The following PLXNA1 variants were observed in gnomAD, a reference collection of about 807,000 sequenced individuals.
PLXNA1 encodes the protein plexin-A1.
A neutral mutation model predicts 191.7 loss-of-function variants in PLXNA1; 77 were observed. The observed-to-expected ratio is 0.40, with a 90% confidence interval of 0.33 to 0.49. The LOEUF is 0.49. PLXNA1 is among the 20% of genes least tolerant of loss of function. PLXNA1 has a pLI of 0.63. For missense variants in PLXNA1, 2,110 were observed against 2,660.2 expected, an observed-to-expected ratio of 0.79 and a Z score of 4.55; for synonymous variants, 1,137 against 1,156.4, an observed-to-expected ratio of 0.98 and a Z score of 0.34.
intron 29 of PLXNA1, among the ~76,000 whole-genome samples, chr3:127,031,403 C>T (rs76396992): frequency 0.013 from 1,976 of 152,308 alleles, 37 homozygotes; most frequent in African/African-American, 0.045. Flanking sequence ...TCCCCCACAC[C>T]TGGGGTCAGG....
Position 127,004,953 on chromosome 3 carries a change from GTGTGCAGCTGAC to G in PLXNA1, c.1697_1708del (p.Leu566_Gln569del). On this transcript the variant is annotated inframe_deletion, in exon 6 of 32. Coordinates refer to ENST00000393409, the MANE Select transcript of PLXNA1 (RefSeq NM_032242.4). Reference sequence around the variant, plus strand: ...CGCTTTGCTGCGGACCTGCTGCAGTGTGTGCAGCTGACTGTGCAGCCCCGCAATGTGTCTGTC... The same window carrying G: ...CGCTTTGCTGCGGACCTGCTGCAGTGTGTGCAGCCCCGCAATGTGTCTGTC... The G allele has an allele frequency of 1.2e-6, 2 of 1,610,340 alleles. No homozygotes were observed. The highest frequency in any genetic ancestry group is 1.7e-6 in the Non-Finnish European group (2 of 1,178,016).
rs749086573 is a variant in PLXNA1, at chr3:127,022,765, G to T, written c.4309G>T (p.Ala1437Ser). The T allele has an allele frequency of 9.3e-6, 15 of 1,613,914 alleles. No individual in the cohort carries two copies. Among genetic ancestry groups the T allele is most frequent in the Admixed American group, 1.7e-5 (1 of 60,006 alleles). Residue 1437 changes from alanine to serine, a missense_variant, in exon 23 of 32, where the codon GCA (alanine) becomes TCA (serine). By Grantham distance (99) the Ala-to-Ser change is moderately conservative. Coordinates refer to ENST00000393409, the MANE Select transcript of PLXNA1 (RefSeq NM_032242.4). ...TGTGCTCCCCAGGACTGAGTCGGTG[G>T]CAGAGAAGATGCTAACTAACTGGTT... is the stretch of plus-strand genomic sequence containing the variant. ...KLLLRRTESVAEKMLTNWFTF... is the reference protein window; with the variant it reads ...KLLLRRTESVSEKMLTNWFTF...
chr3:127,029,554 G>T lies in PLXNA1; in HGVS notation c.4870+18G>T. 2 of 1,609,798 alleles carry T rather than the reference G, an allele frequency of 1.2e-6. No individual in the cohort carries two copies. Among genetic ancestry groups the T allele is most frequent in the Non-Finnish European group, 1.7e-6 (2 of 1,176,560 alleles). On this transcript the variant is annotated intron_variant, in intron 27 of 31. Transcript: ENST00000393409. ...CAGATACGGTGAGGGGCCAGGCAGC[G>T]GGCGAGAGGGCAGCGCATGGGTCCC... is the stretch of plus-strand genomic sequence containing the variant.
Position 126,989,303 on chromosome 3 carries a change from C to G in PLXNA1, c.710C>G (p.Ser237Cys), listed in dbSNP as rs1559952796. ...SQLKIPSDTL[S>C]KFPAFDIYYV... is the part of the protein sequence containing the mutation. ...CTCAAGATCCCTTCGGACACGCTGT[C>G]CAAGTTCCCGGCCTTTGACATCTAC... The change falls in exon 2 of 32, where the codon TCC becomes TGC. Residue 237 changes from serine (S) to cysteine (C), a missense_variant. By Grantham distance (112) the Ser-to-Cys change is moderately radical. Transcript: ENST00000393409. 6.2e-7 allele frequency: 1 copy of G among 1,613,704 alleles called. No homozygotes were observed. Among genetic ancestry groups the G allele is most frequent in the South Asian group, 1.1e-5 (1 of 91,090 alleles).
At chr3:126,999,088 G>A (rs930566316) in intron 3 of PLXNA1, among the ~76,000 whole-genome samples, 2 of 152,196 alleles carry the variant, frequency 1.3e-5, no homozygotes, top group African/African-American at 4.8e-5. Context: ...GAGGGTCTGG[G>A]AGTGGGTCCG....
intron 26 of PLXNA1, among the ~76,000 whole-genome samples, 158 bp from the exon 27 acceptor site, chr3:127,029,282 A>G (rs1478559041): frequency 6.6e-6 from 1 of 152,188 alleles, no homozygotes; most frequent in Non-Finnish European, 1.5e-5. Flanking sequence ...ATTGCCTAGC[A>G]TCCCTGGGCT....
intron 3 of PLXNA1, 80 bp downstream of exon 3, chr3:126,991,646 A>T: frequency 7.2e-7 from 1 of 1,394,998 alleles, no homozygotes; most frequent in South Asian, 1.4e-5. Context: ...TGGCAGGCCC[A>T]GTGCTGCTGT....
In PLXNA1 at chr3:126,988,655, T is replaced by C; in HGVS notation, c.62T>C (p.Leu21Pro). 6.3e-7 allele frequency: 1 copy of C among 1,578,808 alleles called. No homozygotes were observed. The highest frequency in any genetic ancestry group is 8.6e-7 in the Non-Finnish European group (1 of 1,162,004). ...CTGCTGCTGCTGTTGCTGCTGCTGC[T>C]GCCGGGCATGTGGGCTGAGGCAGGC... ...LLLLLLLLLL[L>P]PGMWAEAGLP... is the part of the protein sequence containing the mutation. Residue 21 changes from leucine (L) to proline (P), a missense_variant, in exon 2 of 32, where the codon CTG becomes CCG. By Grantham distance (98) the Leu-to-Pro change is moderately conservative. Transcript: ENST00000393409.
chr3:126,994,670 C>T (rs2033423), intron 3 of PLXNA1, among the ~76,000 whole-genome samples: 2 of 152,172 alleles, frequency 1.3e-5, no homozygotes, highest in Non-Finnish European at 2.9e-5. Flanking sequence ...TGGCCTGGCC[C>T]GGGGGCAGCA....
rs1483568403 is a variant in PLXNA1, at chr3:127,028,174, C to T, written c.4510-7C>T. The stretch of plus-strand genomic sequence containing the variant: ...GACGCTGCCCCCTTGCTCCACCCCG[C>T]CCGCAGACCCTGAACTGTGTGAACC... On this transcript the variant is annotated splice_region_variant and splice_polypyrimidine_tract_variant and intron_variant, in intron 24 of 31. Coordinates refer to ENST00000393409, the MANE Select transcript of PLXNA1 (RefSeq NM_032242.4). 1.2e-6 allele frequency: 2 copies of T among 1,613,272 alleles called. No homozygotes were observed. Among genetic ancestry groups the T allele is most frequent in the Admixed American group, 3.3e-5 (2 of 60,026 alleles).
chr3:126,983,369 C>G (rs960093618), intron 1 of PLXNA1, among the ~76,000 whole-genome samples, 82 bp downstream of exon 1: 287 of 142,440 alleles, frequency 2.0e-3, no homozygotes, highest in Non-Finnish European at 3.5e-3. Context: ...CCGGGCGGCC[C>G]GTGGGTGGGC....
chr3:127,031,419 G>A (rs1293957337), intron 29 of PLXNA1, among the ~76,000 whole-genome samples: 5 of 152,170 alleles, frequency 3.3e-5, no homozygotes, highest in Non-Finnish European at 5.9e-5. Flanking sequence ...TCAGGTGGAT[G>A]CCCTTGCCTG....
Position 127,022,153 on chromosome 3 carries a change from G to A in PLXNA1, c.4107G>A (p.Leu1369=). The A allele has an allele frequency of 6.2e-7, 1 of 1,613,382 alleles. No individual in the cohort carries two copies. Among genetic ancestry groups the A allele is most frequent in the South Asian group, 1.1e-5 (1 of 91,062 alleles). ...GQLLTKKHFL[L]TFIRTLEAQR... is the part of the protein sequence containing the mutation. Reference sequence around the variant, plus strand: ...TGCTGACCAAGAAGCACTTCCTGCTGACCTTCATCCGCACGCTGGAGGCAC... The same window carrying A: ...TGCTGACCAAGAAGCACTTCCTGCTAACCTTCATCCGCACGCTGGAGGCAC... Residue 1369 remains leucine, a synonymous_variant, in exon 22 of 32, where the codon CTG becomes CTA. Transcript: ENST00000393409.
Position 127,010,421 on chromosome 3 carries a change from G to A in PLXNA1, c.2113-1537G>A, listed in dbSNP as rs55658010. ...CAGCCTAATCCTGACTCAGTGGGCC[G>A]CATGGGTGCCGAGCTTCCTGGGTTC... is the stretch of plus-strand genomic sequence containing the variant. On this transcript the variant is annotated intron_variant, in intron 9 of 31. Coordinates refer to ENST00000393409, the MANE Select transcript of PLXNA1 (RefSeq NM_032242.4). Among the ~76,000 whole-genome samples the A allele has an allele frequency of 6.8e-3, 1,028 of 152,284 alleles. 7 individuals carry two copies. Among genetic ancestry groups the A allele is most frequent in the Non-Finnish European group, 0.011 (747 of 68,014 alleles).
In PLXNA1 at chr3:127,003,366, G is replaced by C. The variant is rs757547337; in HGVS notation, c.1414G>C (p.Ala472Pro). ...CCTCTCAAACCCCGGTGGCCGGCCT[G>C]CCCTGGCCTACGAGAGCGTCGTGGC... ...VDLSNPGGRP[A>P]LAYESVVAQE... The change falls in exon 4 of 32, where the codon GCC becomes CCC. Residue 472 changes from alanine to proline, a missense_variant. Physicochemically the swap from Ala to Pro is conservative, Grantham distance 27 (BLOSUM62 -1). Transcript: ENST00000393409. The C allele has an allele frequency of 3.1e-6, 5 of 1,611,144 alleles. No individual in the cohort carries two copies. Among genetic ancestry groups the C allele is most frequent in the Non-Finnish European group, 1.7e-6 (2 of 1,178,738 alleles).
intron 9 of PLXNA1, among the ~76,000 whole-genome samples, chr3:127,010,083 G>C (rs959359482): frequency 6.6e-6 from 1 of 152,214 alleles, no homozygotes; most frequent in Non-Finnish European, 1.5e-5. Flanking sequence ...AGCCTTGTGC[G>C]CTGGCAAAAT....
intron 10 of PLXNA1, among the ~76,000 whole-genome samples, chr3:127,012,364 A>T: frequency 6.6e-6 from 1 of 152,246 alleles, no homozygotes; most frequent in East Asian, 1.9e-4. Flanking sequence ...AGTGGGCTGC[A>T]GGGGGCCCAT....
chr3:126,985,354 G>A (rs1013054115), intron 1 of PLXNA1, among the ~76,000 whole-genome samples: 1 of 152,120 alleles, frequency 6.6e-6, no homozygotes, highest in African/African-American at 2.4e-5. Context: ...GCATCCCAAG[G>A]CCAGTCTAGC....
Position 127,007,794 on chromosome 3 carries a change from T to G in PLXNA1, c.1998-5T>G, listed in dbSNP as rs781038772. The G allele has an allele frequency of 5.6e-6, 9 of 1,604,774 alleles. No homozygotes were observed. Among genetic ancestry groups the G allele is most frequent in the Admixed American group, 3.3e-5 (2 of 59,702 alleles). On this transcript the variant is annotated splice_region_variant and splice_polypyrimidine_tract_variant and intron_variant, in intron 8 of 31. Coordinates refer to ENST00000393409, the MANE Select transcript of PLXNA1 (RefSeq NM_032242.4). Reference sequence around the variant, plus strand: ...CAGGCTTCAGCACCCACCCTCTCCCTGCAGCTGCCTGTCCTGTGTCAACGG... The same window carrying G: ...CAGGCTTCAGCACCCACCCTCTCCCGGCAGCTGCCTGTCCTGTGTCAACGG...
Sources: allele counts gnomAD v4.1 joint callset (sites outside exome capture counted in the v4.1 genomes callset), GRCh38; gene constraint gnomAD v4.1.1; transcripts MANE v1.5; gene names NCBI Gene and HGNC (gene_info 2026-07-23, HGNC 2026-07-21).